Variants in CLIC5 observed in about 807,000 individuals in gnomAD.
CLIC5 encodes CLIC family member 5, also known as chloride intracellular channel protein 5.
In CLIC5, 20 loss-of-function variants were observed where a neutral mutation model predicts 24.7. The observed-to-expected ratio is 0.81, with a 90% CI of 0.57 to 1.18. The LOEUF (loss-of-function observed/expected upper bound fraction) is 1.18. Among genes scored for constraint, CLIC5 ranks in the 50% most tolerant of loss-of-function variants. The pLI, the probability that CLIC5 is intolerant of heterozygous loss-of-function variation, is 0.00. For synonymous variants in CLIC5, 159 were observed against 135.6 expected (o/e 1.17, Z -1.20); for missense variants, 341 against 326.1 (o/e 1.05, Z -0.35).
At position 45,977,999 on chromosome 6, in the gene CLIC5, A is replaced by G. The variant is rs1254913362; in HGVS notation, c.64-22755T>C. Among the ~76,000 whole-genome samples, 5 of 152,194 alleles carry G rather than the reference A, an allele frequency of 3.3e-5. No homozygotes were observed. The South Asian group carries it at 6.2e-4, about 19-fold the overall frequency. On this transcript the variant is annotated intron_variant, in intron 1 of 5. Coordinates refer to ENST00000339561, the MANE Select transcript of CLIC5 (RefSeq NM_016929.5). ...AAGCAACAGAGCAAGAAGACAAAAG[A>G]CAATAGCAGGGAAGCTCCTGGGCTT... is the stretch of plus-strand genomic sequence containing the variant.
chr6:46,091,483 C>G, the CLIC5 span, among the ~76,000 whole-genome samples: 1 of 152,118 alleles, frequency 6.6e-6, no homozygotes, highest in African/African-American at 2.4e-5. Context: ...TGCCTGTAAT[C>G]CCAGCACTTT....
At chr6:45,973,127 A>G (rs1017729481) in intron 1 of CLIC5, among the ~76,000 whole-genome samples, 24 of 152,204 alleles carry the variant, frequency 1.6e-4, no homozygotes. Flanking sequence ...AACCAAACCT[A>G]GAGTCACTGA....
At chr6:46,124,746 C>A in the CLIC5 span, among the ~76,000 whole-genome samples, 63 of 152,200 alleles carry the variant, frequency 4.1e-4, no homozygotes, top group African/African-American at 1.5e-3. Flanking sequence ...AACAAACAAC[C>A]CCATCAGAAA....
chr6:45,981,065 G>A (rs912423277), intron 1 of CLIC5, among the ~76,000 whole-genome samples: 5 of 151,962 alleles, frequency 3.3e-5, no homozygotes, highest in Non-Finnish European at 1.5e-5. Context: ...CAACCTCCAG[G>A]GCTCAAGCGA....
At chr6:45,996,817 C>A (rs1019849615) in intron 1 of CLIC5, among the ~76,000 whole-genome samples, 25 of 151,890 alleles carry the variant, frequency 1.6e-4, no homozygotes, top group African/African-American at 5.6e-4. Context: ...CCATCTCACA[C>A]CAGTTAGAAT....
At chr6:45,968,278 T>G (rs1765082778) in intron 1 of CLIC5, among the ~76,000 whole-genome samples, 1 of 152,174 alleles carries the variant, frequency 6.6e-6, no homozygotes, top group African/African-American at 2.4e-5. Context: ...GCATTCACAT[T>G]TAAGTATGAA....
At chr6:45,975,129 C>T (rs571707362) in intron 1 of CLIC5, among the ~76,000 whole-genome samples, 16 of 152,102 alleles carry the variant, frequency 1.1e-4, no homozygotes, top group African/African-American at 3.9e-4. Flanking sequence ...AGAGGAAAAC[C>T]CCTCTGATCT....
At chr6:45,955,639 A>G (rs952385039) in intron 1 of CLIC5, among the ~76,000 whole-genome samples, 1 of 152,052 alleles carries the variant, frequency 6.6e-6, no homozygotes, top group African/African-American at 2.4e-5. Flanking sequence ...TTGTATTAAT[A>G]TCTCTCAAAG....
chr6:46,065,867 T>G (rs553185396), intron 1 of CLIC5, among the ~76,000 whole-genome samples: 82 of 152,222 alleles, frequency 5.4e-4, no homozygotes, highest in African/African-American at 2.0e-3. Context: ...TTGTCAAAAC[T>G]CCCTCAAATG....
At chr6:46,101,280 C>G in the CLIC5 span, among the ~76,000 whole-genome samples, 1 of 152,216 alleles carries the variant, frequency 6.6e-6, no homozygotes, top group Non-Finnish European at 1.5e-5. Flanking sequence ...CTGATCACTT[C>G]ATCATGTCCT....
At chr6:45,985,445 C>T (rs577457554) in intron 1 of CLIC5, among the ~76,000 whole-genome samples, 2 of 152,130 alleles carry the variant, frequency 1.3e-5, no homozygotes, top group African/African-American at 2.4e-5. Context: ...CTGTAAAAAG[C>T]AGGCTCATCC....
chr6:46,118,454 G>A, the CLIC5 span, among the ~76,000 whole-genome samples: 1 of 152,136 alleles, frequency 6.6e-6, no homozygotes. Context: ...TATTTATGGG[G>A]CACAACAGGC....
At chr6:45,930,251 G>A (rs937079899) in intron 4 of CLIC5, among the ~76,000 whole-genome samples, 1 of 152,152 alleles carries the variant, frequency 6.6e-6, no homozygotes, top group African/African-American at 2.4e-5. Flanking sequence ...CTCCCAGGCC[G>A]CTCTGAATCC....
Position 45,941,671 on chromosome 6 carries a change from G to C in CLIC5, c.300-18C>G. On this transcript the variant is annotated intron_variant, in intron 3 of 5. Transcript: ENST00000339561. ...TGGGGTACCTGGAATGGAGGATGCA[G>C]TGTTCTGTGAATCAGTAGACTTGGA... 6.3e-7 allele frequency: 1 copy of C among 1,582,736 alleles called. No individual in the cohort carries two copies. The highest frequency in any genetic ancestry group is 8.7e-7 in the Non-Finnish European group (1 of 1,151,398).
At chr6:45,967,856 G>C (rs1377034100) in intron 1 of CLIC5, among the ~76,000 whole-genome samples, 5 of 152,100 alleles carry the variant, frequency 3.3e-5, no homozygotes, top group African/African-American at 1.2e-4. Flanking sequence ...ATCAGAGCGA[G>C]AACTCACTCA....
intron 6 of CLIC5, among the ~76,000 whole-genome samples, chr6:45,888,823 A>G (rs1220711728): frequency 6.6e-6 from 1 of 152,224 alleles, no homozygotes; most frequent in Non-Finnish European, 1.5e-5. Context: ...TATATTTGCT[A>G]GCCAACACAG....
intron 1 of CLIC5, among the ~76,000 whole-genome samples, chr6:45,990,638 C>T (rs1332272104): frequency 6.6e-6 from 1 of 152,224 alleles, no homozygotes; most frequent in Non-Finnish European, 1.5e-5. Context: ...GGTGTTCATC[C>T]TGCCTTACAA....
At chr6:45,959,759 G>A (rs1236566409) in intron 1 of CLIC5, among the ~76,000 whole-genome samples, 3 of 152,178 alleles carry the variant, frequency 2.0e-5, no homozygotes, top group Non-Finnish European at 4.4e-5. Flanking sequence ...TCATACAAGT[G>A]CTTTTCCTTC....
intron 1 of CLIC5, among the ~76,000 whole-genome samples, chr6:46,070,406 A>G (rs528859443): frequency 6.6e-6 from 1 of 152,296 alleles, no homozygotes; most frequent in African/African-American, 2.4e-5. Flanking sequence ...TACAAAAATC[A>G]CTAGTATTCC....
Sources: allele counts gnomAD v4.1 joint callset (sites outside exome capture counted in the v4.1 genomes callset), GRCh38; gene constraint gnomAD v4.1.1; transcripts MANE v1.5; gene names NCBI Gene and HGNC (gene_info 2026-07-23, HGNC 2026-07-21).